The following TRPC5 variants were observed in gnomAD, a reference collection of about 807,000 sequenced individuals.
TRPC5 encodes short transient receptor potential channel 5.
TRPC5 carries 9 observed loss-of-function variants against 56.5 expected under a neutral mutation model. The observed-to-expected ratio is 0.16, with a 90% CI of 0.10 to 0.28. The LOEUF (loss-of-function observed/expected upper bound fraction) is 0.28, where lower values mean the gene tolerates loss of function less well. TRPC5 is among the 10% of genes least tolerant of loss of function. The pLI, the probability that TRPC5 is intolerant of heterozygous loss-of-function variation, is 1.00. For synonymous variants in TRPC5, 282 were observed against 278.5 expected (o/e 1.01, Z -0.13); for missense variants, 469 against 748.9 (o/e 0.63, Z 4.36).
intron 2 of TRPC5, among the ~76,000 whole-genome samples, chrX:111,915,213 G>A (rs1255210785): frequency 8.9e-6 from 1 of 112,106 alleles, no homozygotes; most frequent in Non-Finnish European, 1.9e-5. Flanking sequence ...GTATGATAGA[G>A]CCAAAAGGTT....
chrX:112,019,346 A>G, intron 1 of TRPC5, among the ~76,000 whole-genome samples: 1 of 112,604 alleles, frequency 8.9e-6, no homozygotes, highest in African/African-American at 3.2e-5. Context: ...GGAAGTAGCC[A>G]CAGGAACTGT....
intron 9 of TRPC5, among the ~76,000 whole-genome samples, chrX:111,779,850 T>C (rs1450035692): frequency 8.9e-6 from 1 of 112,190 alleles, no homozygotes; most frequent in African/African-American, 3.2e-5. Flanking sequence ...ATGGTATTGC[T>C]TCTGCTACTA....
intron 6 of TRPC5, among the ~76,000 whole-genome samples, chrX:111,845,701 T>A (rs1922905595): frequency 8.9e-6 from 1 of 112,190 alleles, no homozygotes; most frequent in Non-Finnish European, 1.9e-5. Flanking sequence ...TGAAAACAGG[T>A]TGCTGTGAGT....
chrX:112,006,765 CATT>C (rs1928855548), intron 1 of TRPC5, among the ~76,000 whole-genome samples: 1 of 111,953 alleles, frequency 8.9e-6, no homozygotes, highest in Admixed American at 9.5e-5. Context: ...CCATTAGATG[CATT>C]ATTATTGGCA....
chrX:111,984,287 T>C (rs1288083678), intron 1 of TRPC5, among the ~76,000 whole-genome samples: 2 of 111,769 alleles, frequency 1.8e-5, no homozygotes, highest in Non-Finnish European at 3.8e-5. Flanking sequence ...GGCTGGGTGA[T>C]GTAGCTCAAG....
chrX:111,993,038 C>G (rs1427129781), intron 1 of TRPC5, among the ~76,000 whole-genome samples: 4 of 109,767 alleles, frequency 3.6e-5, no homozygotes, highest in Non-Finnish European at 7.6e-5. Context: ...TCTCCTAATG[C>G]TATCCCTCCC....
chrX:111,802,745 G>C (rs1921354774), intron 7 of TRPC5, among the ~76,000 whole-genome samples: 1 of 111,520 alleles, frequency 9.0e-6, no homozygotes, highest in Admixed American at 9.5e-5. Context: ...TTCTGTAAAG[G>C]CAAAGCGAAA....
intron 1 of TRPC5, among the ~76,000 whole-genome samples, chrX:112,076,910 G>T: frequency 1.8e-5 from 2 of 112,028 alleles, no homozygotes; most frequent in Middle Eastern, 4.6e-3. Flanking sequence ...AACCCAGTAA[G>T]ATTCACGTCA....
rs764576820 is a variant in TRPC5, at chrX:111,852,420, T to C, written c.1255A>G (p.Ile419Val). Residue 419 changes from isoleucine to valine, a missense_variant, in exon 5 of 11, where the codon ATT becomes GTT. By Grantham distance (29) the Ile-to-Val change is conservative. This residue lies in a region of TRPC5 where 157 missense variants were observed against 360.0 expected (regional missense o/e 0.44). Transcript: ENST00000262839. ...PWVLGFIWGE[I>V]KEMWDGGFTE... ...AATCCACCATCCCACATTTCCTTAATCTCACCCCAAATGAAACCTGAAGAA... is the reference window on the plus strand; with the variant it reads ...AATCCACCATCCCACATTTCCTTAACCTCACCCCAAATGAAACCTGAAGAA... 1.7e-6 allele frequency: 2 copies of C among 1,206,646 alleles called. No homozygotes were observed. Among genetic ancestry groups the C allele is most frequent in the East Asian group, 6.0e-5 (2 of 33,587 alleles).
At chrX:112,040,762 G>C (rs964685177) in intron 1 of TRPC5, among the ~76,000 whole-genome samples, 1 of 111,756 alleles carries the variant, frequency 8.9e-6, no homozygotes, top group African/African-American at 3.3e-5. Context: ...GCAAAATTAT[G>C]ATGTCTACCC....
At chrX:111,892,530 C>A (rs1360076033) in intron 3 of TRPC5, among the ~76,000 whole-genome samples, 3 of 111,856 alleles carry the variant, frequency 2.7e-5, no homozygotes, top group African/African-American at 9.8e-5. Flanking sequence ...AGGAGTGGTG[C>A]ATGTGAGCTG....
At chrX:111,882,261 A>G (rs1358544444) in intron 3 of TRPC5, among the ~76,000 whole-genome samples, 1 of 110,550 alleles carries the variant, frequency 9.0e-6, no homozygotes, top group Non-Finnish European at 1.9e-5. Context: ...GGGAGTGTCA[A>G]TTCAGGGGTT....
chrX:112,000,135 T>C (rs1928660396), intron 1 of TRPC5, among the ~76,000 whole-genome samples: 2 of 112,029 alleles, frequency 1.8e-5, no homozygotes, highest in South Asian at 7.5e-4. Flanking sequence ...ACTGTGATAT[T>C]AATCTTGTCT....
At chrX:111,979,433 A>G (rs1928019658) in intron 1 of TRPC5, among the ~76,000 whole-genome samples, 1 of 111,678 alleles carries the variant, frequency 9.0e-6, no homozygotes, top group Admixed American at 9.5e-5. Flanking sequence ...TCGATATAAC[A>G]TCAAAAGTAT....
rs1333858012 is a variant in TRPC5, at chrX:111,770,633, G to A, written c.*5680C>T. ...CCTTACTTCAAAAGCTTTTCCAACT[G>A]TCTCTTTACTACACTATCACCATCT... On this transcript the variant is annotated 3_prime_UTR_variant, in exon 11 of 11. Coordinates refer to ENST00000262839, the MANE Select transcript of TRPC5 (RefSeq NM_012471.3). 3.6e-5 allele frequency among the ~76,000 whole-genome samples: 4 copies of A among 111,474 alleles called. No homozygotes were observed. Among genetic ancestry groups the A allele is most frequent in the Non-Finnish European group, 7.5e-5 (4 of 53,127 alleles).
chrX:112,041,823 CACAGG>C (rs1456315183), intron 1 of TRPC5, among the ~76,000 whole-genome samples: 2 of 111,503 alleles, frequency 1.8e-5, no homozygotes, highest in East Asian at 5.6e-4. Context: ...ATTTTTTTTC[CACAGG>C]TAATATTGCT....
At chrX:111,838,334 G>T (rs1922629588) in intron 6 of TRPC5, among the ~76,000 whole-genome samples, 1 of 110,559 alleles carries the variant, frequency 9.0e-6, no homozygotes, top group Non-Finnish European at 1.9e-5. Flanking sequence ...TGAAAAGCAT[G>T]CCCAGGTAAA....
chrX:111,868,573 G>GT (rs1923617593), intron 3 of TRPC5, among the ~76,000 whole-genome samples: 1 of 112,454 alleles, frequency 8.9e-6, no homozygotes, highest in Non-Finnish European at 1.9e-5. Flanking sequence ...GTTCTCTAAA[G>GT]TAATTGGCAA....
chrX:111,998,448 T>C (rs1041364006), intron 1 of TRPC5, among the ~76,000 whole-genome samples: 7 of 111,446 alleles, frequency 6.3e-5, no homozygotes, highest in African/African-American at 2.3e-4. Flanking sequence ...TATTTAAAAA[T>C]ATATAGTCAT....
Sources: allele counts gnomAD v4.1 joint callset (sites outside exome capture counted in the v4.1 genomes callset), GRCh38; gene constraint gnomAD v4.1.1; regional missense constraint gnomAD v4.1.1; transcripts MANE v1.5; gene names NCBI Gene and HGNC (gene_info 2026-07-23, HGNC 2026-07-21).